The following GIGYF2 variants were observed in gnomAD, a reference collection of about 807,000 sequenced individuals.
The protein encoded by GIGYF2 is GRB10 interacting GYF protein 2.
A neutral mutation model predicts 208.1 loss-of-function variants in GIGYF2; 25 were observed. The observed-to-expected ratio is 0.12, with a 90% CI of 0.09 to 0.17. The LOEUF is 0.17. Among genes scored for constraint, GIGYF2 ranks in the 10% least tolerant of loss-of-function variants. The pLI, the probability that GIGYF2 is intolerant of heterozygous loss-of-function variation, is 1.00. For synonymous variants in GIGYF2, 534 were observed against 543.8 expected (o/e 0.98, Z 0.25); for missense variants, 1,302 against 1,579.4 (o/e 0.82, Z 2.98).
intron 28 of GIGYF2, 123 bp from the exon 29 acceptor site, chr2:232,856,670 T>C: frequency 2.6e-6 from 2 of 771,780 alleles, no homozygotes; most frequent in East Asian, 2.5e-5. Flanking sequence ...CCAGCCTGGG[T>C]GACAGAGTGA....
intron 2 of GIGYF2, among the ~76,000 whole-genome samples, chr2:232,733,790 C>T (rs1020684971): frequency 6.6e-6 from 1 of 152,160 alleles, no homozygotes; most frequent in Non-Finnish European, 1.5e-5. Flanking sequence ...CTTAATACAA[C>T]ATAAATGCTG....
intron 8 of GIGYF2, chr2:232,776,523 A>C (rs748625506): frequency 1.9e-6 from 2 of 1,055,628 alleles, no homozygotes; most frequent in Admixed American, 3.8e-5. Context: ...TGATCAGATA[A>C]TTTTAATCTA....
chr2:232,844,399 T>G lies in GIGYF2; in HGVS notation c.3130T>G (p.Ser1044Ala). Reference sequence around the variant, plus strand: ...CAACCTGCACACCAGCATTGGGAATTCTGTTTGGGGCTCTATAAATACTGG... The same window carrying G: ...CAACCTGCACACCAGCATTGGGAATGCTGTTTGGGGCTCTATAAATACTGG... ...HSNLHTSIGN[S>A]VWGSINTGPP... The change falls in exon 25 of 29, where the codon TCT (serine) becomes GCT (alanine). Residue 1044 changes from serine (S) to alanine (A), a missense_variant. By Grantham distance (99) the Ser-to-Ala change is moderately conservative. Around this residue, in one of 8 missense-constraint regions of GIGYF2, gnomAD observed 701 missense variants for 793.0 expected, o/e 0.88. Coordinates refer to ENST00000373563, the MANE Select transcript of GIGYF2 (RefSeq NM_001103146.3). 1 of 1,613,870 alleles carries G rather than the reference T, an allele frequency of 6.2e-7. No individual in the cohort carries two copies. The highest frequency in any genetic ancestry group is 1.7e-5 in the Admixed American group (1 of 60,022).
In GIGYF2 at chr2:232,814,088, GTTGGCC is replaced by G. The variant is rs1226100838; in HGVS notation, c.2108-1548_2108-1543del. Among the ~76,000 whole-genome samples the G allele has an allele frequency of 2.6e-5, 4 of 151,382 alleles. No individual in the cohort carries two copies. In the East Asian group the frequency reaches 7.9e-4, roughly 30 times the overall value. On this transcript the variant is annotated intron_variant, in intron 18 of 28. Coordinates refer to ENST00000373563, the MANE Select transcript of GIGYF2 (RefSeq NM_001103146.3). ...TTTTTGGTAGAGACGGTTTCACCACGTTGGCCAGGCTGATTTCAAACTCCTGGCCTC... is the reference window on the plus strand; with the variant it reads ...TTTTTGGTAGAGACGGTTTCACCACGAGGCTGATTTCAAACTCCTGGCCTC...
At chr2:232,843,485 C>G (rs1701891060) in intron 23 of GIGYF2, among the ~76,000 whole-genome samples, 1 of 151,662 alleles carries the variant, frequency 6.6e-6, no homozygotes, top group African/African-American at 2.4e-5. Flanking sequence ...ATTACTTGAA[C>G]CCGGGAGGCG....
chr2:232,769,156 C>T (rs1699110755), intron 8 of GIGYF2, among the ~76,000 whole-genome samples: 1 of 152,168 alleles, frequency 6.6e-6, no homozygotes, highest in African/African-American at 2.4e-5. Context: ...ATAAATGCAA[C>T]TTGGCTACAG....
intron 2 of GIGYF2, among the ~76,000 whole-genome samples, chr2:232,717,717 G>A (rs1696752621): frequency 6.6e-6 from 1 of 152,096 alleles, no homozygotes; most frequent in Admixed American, 6.6e-5. Context: ...GGGAGCCAGT[G>A]TGTGTAGATC....
intron 2 of GIGYF2, among the ~76,000 whole-genome samples, chr2:232,704,046 C>G (rs1449455106): frequency 6.6e-6 from 1 of 152,192 alleles, no homozygotes; most frequent in East Asian, 1.9e-4. Flanking sequence ...ATTTCATATT[C>G]TTGGGAGGGG....
chr2:232,753,082 G>GT (rs1290077767), intron 5 of GIGYF2, among the ~76,000 whole-genome samples: 1 of 150,994 alleles, frequency 6.6e-6, no homozygotes, highest in African/African-American at 2.4e-5. Flanking sequence ...TGTGCACACA[G>GT]TTCTACACTT....
At chr2:232,705,151 G>A (rs973702868) in intron 2 of GIGYF2, among the ~76,000 whole-genome samples, 1 of 151,780 alleles carries the variant, frequency 6.6e-6, no homozygotes, top group Non-Finnish European at 1.5e-5. Context: ...GAGCCACCGC[G>A]CCCGGCCAAC....
intron 27 of GIGYF2, among the ~76,000 whole-genome samples, chr2:232,848,707 CA>C (rs1176749928): frequency 6.6e-6 from 1 of 152,106 alleles, no homozygotes; most frequent in African/African-American, 2.4e-5. Flanking sequence ...AAATAGACCA[CA>C]AAAAGGGCAC....
intron 2 of GIGYF2, among the ~76,000 whole-genome samples, chr2:232,713,349 A>C (rs1207753218): frequency 6.6e-6 from 1 of 152,220 alleles, no homozygotes; most frequent in East Asian, 1.9e-4. Context: ...AAGTGCTGGG[A>C]TTACAGGCAT....
At chr2:232,849,999 C>T (rs2106431543) in intron 27 of GIGYF2, among the ~76,000 whole-genome samples, 1 of 152,280 alleles carries the variant, frequency 6.6e-6, no homozygotes, top group Middle Eastern at 3.4e-3. Flanking sequence ...GTTCTGCCGT[C>T]ACAGCAGGGT....
chr2:232,789,588 T>C (rs1700010865), intron 9 of GIGYF2, among the ~76,000 whole-genome samples: 1 of 152,200 alleles, frequency 6.6e-6, no homozygotes, highest in African/African-American at 2.4e-5. Flanking sequence ...GTGAGTGGCT[T>C]ATCAGATGCT....
chr2:232,832,930 T>A lies in GIGYF2; in HGVS notation c.2603T>A (p.Met868Lys), dbSNP rs909196736. 5 of 1,566,524 alleles carry A rather than the reference T, an allele frequency of 3.2e-6. No individual in the cohort carries two copies. Among genetic ancestry groups the A allele is most frequent in the Non-Finnish European group, 4.3e-6 (5 of 1,155,658 alleles). Residue 868 changes from methionine (M) to lysine (K), a missense_variant, in exon 22 of 29, where the codon ATG becomes AAG. Physicochemically the swap from Met to Lys is moderately conservative, Grantham distance 95. Coordinates refer to ENST00000373563, the MANE Select transcript of GIGYF2 (RefSeq NM_001103146.3). ...CGATTAGAGGAGAACCGGCTGCGGA[T>A]GGAAGAGGAGGCAGCCAGACTCCGG... ...QRRLEENRLR[M>K]EEEAARLRHE... is the part of the protein sequence containing the mutation.
At chr2:232,779,725 A>G (rs1426876885) in intron 8 of GIGYF2, among the ~76,000 whole-genome samples, 1 of 152,150 alleles carries the variant, frequency 6.6e-6, no homozygotes, top group Non-Finnish European at 1.5e-5. Flanking sequence ...GATACACTGC[A>G]GTTTCTCCAG....
At chr2:232,781,323 A>ACACACACACAC (rs1553613033) in intron 8 of GIGYF2, among the ~76,000 whole-genome samples, 6 of 88,274 alleles carry the variant, frequency 6.8e-5, no homozygotes, top group African/African-American at 3.2e-4. Flanking sequence ...CACACACACA[A>ACACACACACAC]CTTATAAAGA....
At chr2:232,814,377 A>G (rs1700838332) in intron 18 of GIGYF2, among the ~76,000 whole-genome samples, 1 of 151,956 alleles carries the variant, frequency 6.6e-6, no homozygotes, top group South Asian at 2.1e-4. Flanking sequence ...CCTGGCCAAG[A>G]TGGTGAAACC....
In GIGYF2 at chr2:232,858,935, C is replaced by T. The variant is rs1208664671; in HGVS notation, c.*2075C>T. 1 of 167,482 alleles carries T rather than the reference C, an allele frequency of 6.0e-6. No homozygotes were observed. The highest frequency in any genetic ancestry group is 1.7e-4 in the East Asian group (1 of 5,956). The allele number at this position is 167,482 out of a possible 1,614,324, so 10.4% of individuals were successfully genotyped here. ...CACACCCCTCCAGAGCTTGCCCACACCTTCCCAACTAGACTCTGTGTGTGT... is the reference window on the plus strand; with the variant it reads ...CACACCCCTCCAGAGCTTGCCCACATCTTCCCAACTAGACTCTGTGTGTGT... On this transcript the variant is annotated 3_prime_UTR_variant, in exon 29 of 29. Transcript: ENST00000373563.
Sources: allele counts gnomAD v4.1 joint callset (sites outside exome capture counted in the v4.1 genomes callset), GRCh38; gene constraint gnomAD v4.1.1; regional missense constraint gnomAD v4.1.1; transcripts MANE v1.5; gene names NCBI Gene and HGNC (gene_info 2026-07-23, HGNC 2026-07-21).